The following MGAT4C variants were observed in gnomAD, a reference collection of about 807,000 sequenced individuals.
MGAT4C encodes the protein MGAT4 family member C.
MGAT4C carries 19 observed loss-of-function variants against 40.1 expected under a neutral mutation model. The ratio of observed to expected loss-of-function variants is 0.47; its 90% CI spans 0.33 to 0.70. The LOEUF is 0.70. MGAT4C is among the 30% of genes least tolerant of loss of function. MGAT4C has a pLI of 0.02. For missense variants in MGAT4C, 491 were observed against 563.2 expected, an observed-to-expected ratio of 0.87 and a Z score of 1.30; for synonymous variants, 181 against 187.1, an observed-to-expected ratio of 0.97 and a Z score of 0.27.
At chr12:86,269,065 T>TTTAA (rs1421696537) in intron 4 of MGAT4C, among the ~76,000 whole-genome samples, 3 of 137,344 alleles carry the variant, frequency 2.2e-5, no homozygotes, top group African/African-American at 7.8e-5. Flanking sequence ...TATATATTCT[T>TTTAA]TTCTTTTAAT....
At chr12:86,678,445 A>G (rs1457969898) in intron 2 of MGAT4C, among the ~76,000 whole-genome samples, 4 of 151,344 alleles carry the variant, frequency 2.6e-5, no homozygotes, top group Non-Finnish European at 5.9e-5. Flanking sequence ...TATTATTATT[A>G]TACTTTAAGT....
chr12:86,277,257 T>A (rs980831180), intron 4 of MGAT4C, among the ~76,000 whole-genome samples: 1 of 152,170 alleles, frequency 6.6e-6, no homozygotes. Flanking sequence ...TTGCCCATTT[T>A]TGATTATTAT....
intron 3 of MGAT4C, among the ~76,000 whole-genome samples, chr12:86,341,262 C>T (rs1214886965): frequency 1.3e-5 from 2 of 152,278 alleles, no homozygotes; most frequent in African/African-American, 2.4e-5. Context: ...GCTTCTCCCA[C>T]AGATATTTGC....
upstream of MGAT4C, among the ~76,000 whole-genome samples, chr12:86,260,661 T>C (rs1248200323): frequency 6.6e-6 from 1 of 152,116 alleles, no homozygotes; most frequent in Non-Finnish European, 1.5e-5. Flanking sequence ...AGAGTGTAAG[T>C]CAGAGATTCT....
At chr12:86,479,058 C>T (rs931845713) in intron 2 of MGAT4C, among the ~76,000 whole-genome samples, 1 of 151,976 alleles carries the variant, frequency 6.6e-6, no homozygotes, top group Non-Finnish European at 1.5e-5. Flanking sequence ...AGCAAACCAA[C>T]AGCATAATAG....
chr12:86,485,606 C>T (rs991698942), intron 2 of MGAT4C, among the ~76,000 whole-genome samples: 2 of 151,846 alleles, frequency 1.3e-5, no homozygotes, highest in African/African-American at 4.8e-5. Context: ...CATTTTACTC[C>T]CTGGCATTCT....
intron 2 of MGAT4C, among the ~76,000 whole-genome samples, chr12:86,693,424 G>A (rs1266247794): frequency 6.6e-6 from 1 of 152,000 alleles, no homozygotes; most frequent in Non-Finnish European, 1.5e-5. Flanking sequence ...AAACTATGAA[G>A]TGTATTGTAA....
rs370534267 is a variant in MGAT4C, at chr12:86,548,065, C to T, written c.-228-112800G>A. Among the ~76,000 whole-genome samples, 80 of 152,250 alleles carry T rather than the reference C, an allele frequency of 5.3e-4. No homozygotes were observed. The South Asian group carries it at 0.016, about 30-fold the overall frequency. Reference sequence around the variant, plus strand: ...TCAGATCATGATACATACATATGCACATGCATATACATGACTGTATGTGTA... The same window carrying T: ...TCAGATCATGATACATACATATGCATATGCATATACATGACTGTATGTGTA... On this transcript the variant is annotated intron_variant, in intron 2 of 7. Coordinates refer to the MGAT4C transcript ENST00000548651.
intron 1 of MGAT4C, among the ~76,000 whole-genome samples, chr12:86,221,888 T>C (rs543072472): frequency 1.3e-5 from 2 of 152,350 alleles, no homozygotes; most frequent in South Asian, 4.1e-4. Context: ...TTAATTTGTC[T>C]AAGGCTTTGT....
chr12:86,810,366 A>G (rs1952449447), intron 1 of MGAT4C, among the ~76,000 whole-genome samples: 1 of 151,886 alleles, frequency 6.6e-6, no homozygotes, highest in Admixed American at 6.6e-5. Context: ...TTTCAATACT[A>G]TGTTGAATAA....
intron 4 of MGAT4C, among the ~76,000 whole-genome samples, chr12:86,291,691 A>T (rs75376506): frequency 6.6e-6 from 1 of 152,152 alleles, no homozygotes; most frequent in African/African-American, 2.4e-5. Context: ...ATTACAAAGC[A>T]TGAATATGCT....
intron 2 of MGAT4C, among the ~76,000 whole-genome samples, chr12:86,451,839 G>T (rs184246846): frequency 6.6e-6 from 1 of 151,924 alleles, no homozygotes; most frequent in African/African-American, 2.4e-5. Context: ...CAGTGCTAGG[G>T]TTTTCACACT....
chr12:86,278,771 C>T (rs551976628), intron 4 of MGAT4C, among the ~76,000 whole-genome samples: 107 of 151,912 alleles, frequency 7.0e-4, no homozygotes, highest in Non-Finnish European at 1.2e-3. Flanking sequence ...ATCCTTGGCA[C>T]GCTTTCTGTT....
chr12:85,980,758 C>A (rs1013664594), intron 4 of MGAT4C, among the ~76,000 whole-genome samples: 1 of 151,836 alleles, frequency 6.6e-6, no homozygotes, highest in Non-Finnish European at 1.5e-5. Context: ...CATATACGCC[C>A]ATTAGAGAAG....
intron 2 of MGAT4C, among the ~76,000 whole-genome samples, chr12:86,718,695 C>T (rs993629132): frequency 6.6e-6 from 1 of 152,128 alleles, no homozygotes; most frequent in Non-Finnish European, 1.5e-5. Flanking sequence ...AGCTTCACCT[C>T]CTGTCAGATC....
chr12:86,414,386 AC>A (rs901969956), intron 3 of MGAT4C, among the ~76,000 whole-genome samples: 8 of 152,184 alleles, frequency 5.3e-5, no homozygotes, highest in African/African-American at 1.7e-4. Flanking sequence ...AATAGTGTTT[AC>A]AATATTATGT....
chr12:86,587,584 A>G (rs913789725), intron 2 of MGAT4C, among the ~76,000 whole-genome samples: 5 of 152,092 alleles, frequency 3.3e-5, no homozygotes, highest in African/African-American at 1.2e-4. Context: ...ACCCATGAGC[A>G]TGGAATGTTC....
At chr12:86,808,058 A>C (rs1566004256) in intron 1 of MGAT4C, among the ~76,000 whole-genome samples, 1 of 151,974 alleles carries the variant, frequency 6.6e-6, no homozygotes, top group Non-Finnish European at 1.5e-5. Flanking sequence ...CTGGACACAT[A>C]CACCCTCCCA....
intron 2 of MGAT4C, among the ~76,000 whole-genome samples, chr12:86,024,885 A>T (rs1037685921): frequency 6.6e-6 from 1 of 151,758 alleles, no homozygotes; most frequent in African/African-American, 2.4e-5. Context: ...ATCACATTTT[A>T]AAAATTTCTA....
Sources: gnomAD v4.1 joint callset for allele counts (sites outside exome capture counted in the v4.1 genomes callset) on GRCh38, gnomAD v4.1.1 for gene constraint, MANE v1.5 for transcripts, NCBI Gene and HGNC (gene_info 2026-07-23, HGNC 2026-07-21) for gene names.